Variants in CUL1 observed in about 807,000 individuals in gnomAD.
CUL1 encodes cullin-1.
In CUL1, 24 loss-of-function variants were observed where a neutral mutation model predicts 118.0. That is an observed-to-expected ratio of 0.20 (90% CI 0.15 to 0.29). The LOEUF is 0.29. CUL1 is among the 10% of genes least tolerant of loss of function. CUL1 has a pLI of 1.00. For synonymous variants in CUL1, 332 were observed against 340.4 expected (o/e 0.98, Z 0.27); for missense variants, 361 against 933.8 (o/e 0.39, Z 7.99).
intron 17 of CUL1, among the ~76,000 whole-genome samples, chr7:148,795,993 T>C (rs1208013137): frequency 6.9e-6 from 1 of 144,244 alleles, no homozygotes; most frequent in Non-Finnish European, 1.5e-5. Flanking sequence ...TGTCTTTGTT[T>C]TTGCCTGATT....
chr7:148,719,634 A>G (rs1409325160), intron 1 of CUL1, among the ~76,000 whole-genome samples: 4 of 152,214 alleles, frequency 2.6e-5, no homozygotes, highest in African/African-American at 2.4e-5. Flanking sequence ...TTCTTGATTA[A>G]AAACTGTAGA....
At chr7:148,762,429 A>G (rs1799861585) in intron 7 of CUL1, among the ~76,000 whole-genome samples, 1 of 152,220 alleles carries the variant, frequency 6.6e-6, no homozygotes, top group African/African-American at 2.4e-5. Flanking sequence ...TACTTGGAAT[A>G]TTAATGGTTC....
Position 148,772,743 on chromosome 7 carries a change from A to G in CUL1, c.1083+4994A>G, listed in dbSNP as rs183964635. Among the ~76,000 whole-genome samples the G allele has an allele frequency of 5.4e-3, 825 of 152,300 alleles. 7 individuals are homozygous for G. The highest frequency in any genetic ancestry group is 0.019 in the African/African-American group (780 of 41,560). On this transcript the variant is annotated intron_variant, in intron 9 of 21. Coordinates refer to ENST00000325222, the MANE Select transcript of CUL1 (RefSeq NM_003592.3). ...ACCTCTTCTCCATTCCTTAGCACAG[A>G]GGTGGCAGCTGTGTAGCATGAGTCA...
intron 19 of CUL1, 21 bp downstream of exon 19, chr7:148,798,040 A>G (rs747140714): frequency 3.5e-6 from 5 of 1,438,324 alleles, no homozygotes; most frequent in East Asian, 4.6e-5. Flanking sequence ...TCTAATAAGT[A>G]GATGGCCCTT....
At chr7:148,767,497 T>G in intron 8 of CUL1, 122 bp from the exon 9 acceptor site, 1 of 843,274 alleles carries the variant, frequency 1.2e-6, no homozygotes, top group Non-Finnish European at 1.9e-6. Flanking sequence ...TATTGATTAT[T>G]AAAGTCTAAA....
At chr7:148,705,604 CG>C (rs769523744) in intron 1 of CUL1, among the ~76,000 whole-genome samples, 4 of 152,038 alleles carry the variant, frequency 2.6e-5, no homozygotes, top group East Asian at 3.8e-4. Flanking sequence ...AAAGTCAGAA[CG>C]GGGGAAAAAG....
At chr7:148,701,537 T>C (rs1797721493) in intron 1 of CUL1, among the ~76,000 whole-genome samples, 1 of 152,194 alleles carries the variant, frequency 6.6e-6, no homozygotes, top group Non-Finnish European at 1.5e-5. Flanking sequence ...GGAAACACGA[T>C]CAGGTTTTTC....
intron 19 of CUL1, 42 bp downstream of exon 19, chr7:148,798,061 A>C: frequency 8.2e-7 from 1 of 1,217,202 alleles, no homozygotes; most frequent in South Asian, 1.3e-5. Flanking sequence ...GACCATAGAC[A>C]CGTCCCCCGG....
intron 1 of CUL1, among the ~76,000 whole-genome samples, chr7:148,725,246 C>CACACACACACACACCCGT (rs1349906501): frequency 6.6e-6 from 1 of 151,944 alleles, no homozygotes; most frequent in Non-Finnish European, 1.5e-5. Flanking sequence ...CACACACACA[C>CACACACACACACACCCGT]ACCCGTACCC....
chr7:148,774,952 G>A (rs2129461659), intron 9 of CUL1, among the ~76,000 whole-genome samples: 1 of 152,338 alleles, frequency 6.6e-6, no homozygotes, highest in African/African-American at 2.4e-5. Context: ...ATCAGATAGA[G>A]AATTTGATAG....
chr7:148,786,900 G>C (rs1366897568), intron 12 of CUL1, 89 bp from the exon 13 acceptor site: 5 of 1,520,818 alleles, frequency 3.3e-6, no homozygotes, highest in Non-Finnish European at 4.4e-6. Context: ...GCACATCTTG[G>C]CTCCTGGCTT....
intron 1 of CUL1, among the ~76,000 whole-genome samples, chr7:148,720,247 T>G (rs1364450062): frequency 6.6e-6 from 1 of 152,146 alleles, no homozygotes; most frequent in East Asian, 1.9e-4. Context: ...TTAGAAATTG[T>G]GGGGCAACAA....
chr7:148,767,505 A>C, intron 8 of CUL1, 114 bp from the exon 9 acceptor site: 3 of 936,758 alleles, frequency 3.2e-6, no homozygotes, highest in Non-Finnish European at 4.9e-6. Context: ...ATTAAAGTCT[A>C]AAAACATGGT....
chr7:148,745,722 AG>A (rs1563157137), intron 2 of CUL1, among the ~76,000 whole-genome samples: 2 of 151,970 alleles, frequency 1.3e-5, no homozygotes, highest in African/African-American at 4.8e-5. Context: ...GAACAAAACA[AG>A]CATATGACTT....
intron 12 of CUL1, 21 bp downstream of exon 12, chr7:148,786,620 C>A: frequency 6.2e-7 from 1 of 1,603,122 alleles, no homozygotes; most frequent in Non-Finnish European, 8.5e-7. Flanking sequence ...CATGAGCATA[C>A]CCATTTCCAG....
chr7:148,768,544 C>A (rs957024615), intron 9 of CUL1, among the ~76,000 whole-genome samples: 7 of 151,872 alleles, frequency 4.6e-5, no homozygotes, highest in Non-Finnish European at 1.0e-4. Context: ...GCCACCATTC[C>A]CGGCTAATTT....
At chr7:148,792,055 G>C (rs1801029618) in intron 16 of CUL1, among the ~76,000 whole-genome samples, 2 of 152,078 alleles carry the variant, frequency 1.3e-5, no homozygotes, top group South Asian at 4.2e-4. Context: ...GTGTGGTGGT[G>C]CACGCCTATA....
intron 9 of CUL1, among the ~76,000 whole-genome samples, chr7:148,782,001 T>C (rs1800655822): frequency 1.3e-5 from 2 of 152,194 alleles, no homozygotes; most frequent in South Asian, 4.1e-4. Context: ...GCCGTTAACT[T>C]GTTAAGGATC....
chr7:148,755,406 G>T (rs1028327362), intron 3 of CUL1, among the ~76,000 whole-genome samples: 1 of 152,180 alleles, frequency 6.6e-6, no homozygotes, highest in Non-Finnish European at 1.5e-5. Flanking sequence ...CAAAAATTCT[G>T]CATGCTGCAA....
Sources: gnomAD v4.1 joint callset for allele counts (sites outside exome capture counted in the v4.1 genomes callset) on GRCh38, gnomAD v4.1.1 for gene constraint, MANE v1.5 for transcripts, NCBI Gene and HGNC (gene_info 2026-07-23, HGNC 2026-07-21) for gene names.